The following MDC1 variants were observed in gnomAD, a reference collection of about 807,000 sequenced individuals.
MDC1 encodes mediator of DNA damage checkpoint protein 1.
MDC1 carries 81 observed loss-of-function variants against 142.5 expected under a neutral mutation model. The observed-to-expected ratio is 0.57, with a 90% CI of 0.47 to 0.68. The LOEUF is 0.68. MDC1 is among the 30% of genes least tolerant of loss of function. The probability of loss-of-function intolerance (pLI) is 0.00; values close to 1 mark genes in which losing one functional copy is unlikely to be tolerated. For synonymous variants in MDC1, 797 were observed against 968.4 expected (o/e 0.82, Z 3.29); for missense variants, 2,119 against 2,547.9 (o/e 0.83, Z 3.62).
rs375339540 is a variant in MDC1, at chr6:30,704,554, T to A, written c.4629A>T (p.Thr1543=). 86 of 1,607,884 alleles carry A rather than the reference T, an allele frequency of 5.3e-5. No homozygotes were observed. In the East Asian group the frequency reaches 6.1e-4, roughly 11 times the overall value. ...TGGGCTCAGGGGTGACAGGTTGGTC[T>A]GTGGAGGTGGAAGGCTGGAGCTCAG... ...AAPELQPSTS[T]DQPVTPEPTS... is the part of the protein sequence containing the mutation. The change falls in exon 10 of 15, where the codon ACA becomes ACT. Residue 1543 remains threonine, a synonymous_variant. Transcript: ENST00000376406.
At position 30,712,185 on chromosome 6, in the gene MDC1, G is replaced by A. The variant is rs1775013355; in HGVS notation, c.1757C>T (p.Ser586Phe). Residue 586 changes from serine to phenylalanine, a missense_variant, in exon 5 of 15, where the codon TCC (serine) becomes TTC (phenylalanine). Ser to Phe is a radical substitution (Grantham distance 155). Transcript: ENST00000376406. This position sits in a 1 kb window ranked among gnomAD's most constrained non-coding sequence, Gnocchi z 4.7. ...DCETDAEEGTSLTASVVADVR... is the reference protein window; with the variant it reads ...DCETDAEEGTFLTASVVADVR... ...ATCTGCAACTACTGAGGCTGTTAGG[G>A]AGGTGCCCTCCTCTGCATCTGTTTC... The A allele has an allele frequency of 2.5e-6, 4 of 1,612,820 alleles. No individual in the cohort carries two copies. The highest frequency in any genetic ancestry group is 1.7e-6 in the Non-Finnish European group (2 of 1,179,994).
intron 9 of MDC1, among the ~76,000 whole-genome samples, chr6:30,706,307 A>G (rs1773804375): frequency 6.6e-6 from 1 of 151,272 alleles, no homozygotes; most frequent in Non-Finnish European, 1.5e-5. Context: ...CAACATAGTG[A>G]AACCCCGTCT....
At position 30,703,861 on chromosome 6, in the gene MDC1, G is replaced by C; in HGVS notation, c.5322C>G (p.Ala1774=). 1 of 1,613,954 alleles carries C rather than the reference G, an allele frequency of 6.2e-7. No individual in the cohort carries two copies. The highest frequency in any genetic ancestry group is 1.7e-4 in the Middle Eastern group (1 of 6,058). The change falls in exon 10 of 15, where the codon GCC becomes GCG. Residue 1774 remains alanine (A), a synonymous_variant. Transcript: ENST00000376406. The surrounding 1 kb of genome is among the most constrained non-coding windows in gnomAD (Gnocchi z 4.4). ...TTGGTGTCTCAAGAAGCTGGGGAGAGGCAGGCTCAGGAATGGCTGTAAGGG... is the reference window on the plus strand; with the variant it reads ...TTGGTGTCTCAAGAAGCTGGGGAGACGCAGGCTCAGGAATGGCTGTAAGGG... ...AESLTAIPEP[A]SPQLLETPIH... is the part of the protein sequence containing the mutation.
In MDC1 at chr6:30,705,025, C is replaced by G; in HGVS notation, c.4158G>C (p.Glu1386Asp). Reference sequence around the variant, plus strand: ...TTCCCCTAGTAGCCCGAGATGTGGGCTCAGGGGTGACAGGCTGCTCTGTGG... The same window carrying G: ...TTCCCCTAGTAGCCCGAGATGTGGGGTCAGGGGTGACAGGCTGCTCTGTGG... ...STSTEQPVTP[E>D]PTSRATRGRK... Residue 1386 changes from glutamate to aspartate, a missense_variant, in exon 10 of 15, where the codon GAG becomes GAC. Physicochemically the swap from Glu to Asp is conservative, Grantham distance 45. Coordinates refer to ENST00000376406, the MANE Select transcript of MDC1 (RefSeq NM_014641.3). 6.2e-7 allele frequency: 1 copy of G among 1,610,816 alleles called. No individual in the cohort carries two copies. Among genetic ancestry groups the G allele is most frequent in the South Asian group, 1.1e-5 (1 of 90,846 alleles).
In MDC1 at chr6:30,707,828, T is replaced by C; in HGVS notation, c.2751A>G (p.Arg917=). Residue 917 remains arginine, a synonymous_variant, in exon 8 of 15, where the codon AGA becomes AGG. Transcript: ENST00000376406. ...TGTTTGCTACTGGTCTCTCTACTTC[T>C]CTCTCAAATGCTTTGCTTGGAAGGG... ...KQTLPSKAFE[R]EVERPVANRE... 1 of 1,613,106 alleles carries C rather than the reference T, an allele frequency of 6.2e-7. No homozygotes were observed. The highest frequency in any genetic ancestry group is 1.1e-5 in the South Asian group (1 of 91,086).
At position 30,707,991 on chromosome 6, in the gene MDC1, T is replaced by C. The variant is rs1167592753; in HGVS notation, c.2588A>G (p.Gln863Arg). 9.9e-6 allele frequency: 16 copies of C among 1,612,996 alleles called. No homozygotes were observed. The highest frequency in any genetic ancestry group is 1.3e-5 in the African/African-American group (1 of 74,938). The change falls in exon 8 of 15, where the codon CAG (glutamine) becomes CGG (arginine). Residue 863 changes from glutamine to arginine, a missense_variant. By Grantham distance (43) the Gln-to-Arg change is conservative (BLOSUM62 1). Transcript: ENST00000376406. ...TCTCTGGGTGTCTCTAGCTAACAAC[T>C]GTTTTTGTTCTCTGTCCTGTTTCCC... ...TKGKQDREQK[Q>R]LLARDTQRQE...
In MDC1 at chr6:30,711,735, G is replaced by C; in HGVS notation, c.2069-9C>G. On this transcript the variant is annotated splice_polypyrimidine_tract_variant and intron_variant, in intron 5 of 14. Transcript: ENST00000376406. ...GTCCAGATCTTCAGAATCTGGTCGGGGAGGAATATAAGACAGTTTAAAACA... is the reference window on the plus strand; with the variant it reads ...GTCCAGATCTTCAGAATCTGGTCGGCGAGGAATATAAGACAGTTTAAAACA... 6.2e-7 allele frequency: 1 copy of C among 1,611,804 alleles called. No individual in the cohort carries two copies. The highest frequency in any genetic ancestry group is 8.5e-7 in the Non-Finnish European group (1 of 1,179,526).
At position 30,713,610 on chromosome 6, in the gene MDC1, A is replaced by C. The variant is rs761905789; in HGVS notation, c.587+38T>G. On this transcript the variant is annotated intron_variant, in intron 4 of 14. Transcript: ENST00000376406. This position sits in a 1 kb window ranked among gnomAD's most constrained non-coding sequence, Gnocchi z 4.9. ...ATCCTCCAGCCCCTGGTTCTTCCTC[A>C]TTTTGAAGACTCAGGTGTCTGACTC... 6.3e-7 allele frequency: 1 copy of C among 1,588,214 alleles called. No individual in the cohort carries two copies. The highest frequency in any genetic ancestry group is 8.6e-7 in the Non-Finnish European group (1 of 1,160,556).
Position 30,701,065 on chromosome 6 carries a change from A to G in MDC1, c.6103-433T>C, listed in dbSNP as rs543396642. Among the ~76,000 whole-genome samples the G allele has an allele frequency of 5.1e-5, 7 of 137,122 alleles. No homozygotes were observed. The East Asian group carries it at 1.3e-3, about 26-fold the overall frequency. 90.0% of individuals were successfully genotyped at this position (137,122 alleles called of 152,430 possible). A position where few individuals can be genotyped will look rare whatever the true frequency, so the allele number is the denominator to read the frequency against. On this transcript the variant is annotated intron_variant, in intron 14 of 14. Coordinates refer to ENST00000376406, the MANE Select transcript of MDC1 (RefSeq NM_014641.3). ...ACTCCAGCCTGGGCTACAGAGCAAG[A>G]CTCCATCTCAAAAGAAAAAAAAAAA...
rs1009499152 is a variant in MDC1, at chr6:30,700,959, G to C, written c.6103-327C>G. Reference sequence around the variant, plus strand: ...GCGCTGACGGGTGCCTGTCGTCCCAGCTACTCGGGAGGCTGGGGCAGGAGA... The same window carrying C: ...GCGCTGACGGGTGCCTGTCGTCCCACCTACTCGGGAGGCTGGGGCAGGAGA... On this transcript the variant is annotated intron_variant, in intron 14 of 14. Transcript: ENST00000376406. 1.2e-4 allele frequency among the ~76,000 whole-genome samples: 18 copies of C among 150,118 alleles called. No individual in the cohort carries two copies. In the Admixed American group the frequency reaches 1.2e-3, roughly 10 times the overall value.
Position 30,713,474 on chromosome 6 carries a change from T to C in MDC1, c.588-120A>G. The C allele has an allele frequency of 1.5e-6, 2 of 1,326,240 alleles. No homozygotes were observed. The highest frequency in any genetic ancestry group is 2.0e-6 in the Non-Finnish European group (2 of 987,846). 82.2% of individuals were successfully genotyped at this position (1,326,240 alleles called of 1,614,324 possible). A position where few individuals can be genotyped will look rare whatever the true frequency, so the allele number is the denominator to read the frequency against. On this transcript the variant is annotated intron_variant, in intron 4 of 14. Transcript: ENST00000376406. The surrounding 1 kb of genome is among the most constrained non-coding windows in gnomAD (Gnocchi z 4.9). ...GCATATTTCTTCTTCTGTTTCCAAT[T>C]TGTTTTCCACTTGGCACATCAGATG... is the stretch of plus-strand genomic sequence containing the variant.
At chr6:30,702,123 C>T (rs996284583) in intron 14 of MDC1, among the ~76,000 whole-genome samples, 43 of 151,508 alleles carry the variant, frequency 2.8e-4, no homozygotes, top group African/African-American at 9.7e-4. Flanking sequence ...ATTAGCCGGG[C>T]GTGGTGGCGG....
In MDC1 at chr6:30,716,701, C is replaced by G. The variant is rs185707984; in HGVS notation, c.-4+544G>C. On this transcript the variant is annotated intron_variant, in intron 1 of 14. Transcript: ENST00000376406. The surrounding 1 kb of genome is among the most constrained non-coding windows in gnomAD (Gnocchi z 4.4). ...ACCTCCAGGACTGGATTAGGGGAAC[C>G]GTGTCTTTCCCCTAGGGTCCATCAT... Among the ~76,000 whole-genome samples, 11 of 152,278 alleles carry G rather than the reference C, an allele frequency of 7.2e-5. No individual in the cohort carries two copies. Among genetic ancestry groups the G allele is most frequent in the Admixed American group, 6.5e-4 (10 of 15,300 alleles).
In MDC1 at chr6:30,708,010, G is replaced by A; in HGVS notation, c.2569C>T (p.Gln857Ter). 1.2e-6 allele frequency: 2 copies of A among 1,612,966 alleles called. No homozygotes were observed. The highest frequency in any genetic ancestry group is 1.7e-6 in the Non-Finnish European group (2 of 1,180,008). Residue 857 changes from glutamine (Q) to a stop codon, truncating the protein, a stop_gained, in exon 8 of 15, where the codon CAG becomes TAG. Coordinates refer to ENST00000376406, the MANE Select transcript of MDC1 (RefSeq NM_014641.3). LOFTEE classifies it high-confidence loss of function. ...TGEEELTKGKQDREQKQLLAR... is the reference protein window; with the variant it reads ...TGEEELTKGK ...AACAACTGTTTTTGTTCTCTGTCCT[G>A]TTTCCCCTTGGTTAATTCTTCCTCT... is the stretch of plus-strand genomic sequence containing the variant.
In MDC1 at chr6:30,708,372, A is replaced by G; in HGVS notation, c.2222-15T>C. The G allele has an allele frequency of 6.3e-7, 1 of 1,597,742 alleles. No homozygotes were observed. Among genetic ancestry groups the G allele is most frequent in the Non-Finnish European group, 8.5e-7 (1 of 1,173,116 alleles). On this transcript the variant is annotated splice_polypyrimidine_tract_variant and intron_variant, in intron 7 of 14. Transcript: ENST00000376406. Reference sequence around the variant, plus strand: ...ATCTAGGGTACCTGGAAGGGGAGGAAGGAAGAGAGAGAGAGGGAGAGGGAG... The same window carrying G: ...ATCTAGGGTACCTGGAAGGGGAGGAGGGAAGAGAGAGAGAGGGAGAGGGAG...
rs1271670724 is a variant in MDC1, at chr6:30,702,849, G to A, written c.5894C>T (p.Pro1965Leu). 4.3e-6 allele frequency: 7 copies of A among 1,613,074 alleles called. No individual in the cohort carries two copies. Among genetic ancestry groups the A allele is most frequent in the Non-Finnish European group, 5.9e-6 (7 of 1,180,034 alleles). The change falls in exon 13 of 15, where the codon CCG becomes CTG. Residue 1965 changes from proline to leucine, a missense_variant. Transcript: ENST00000376406. ...QSRKAGFFLP[P>L]DEYVVTDPEQ... ...AGGGTCGGTCACCACATATTCATCC[G>A]GGGGTAAGAAGAAACCAGCCTTGCG...
At position 30,708,359 on chromosome 6, in the gene MDC1, T is replaced by C; in HGVS notation, c.2222-2A>G. The C allele has an allele frequency of 6.2e-7, 1 of 1,604,718 alleles. No individual in the cohort carries two copies. Among genetic ancestry groups the C allele is most frequent in the Non-Finnish European group, 8.5e-7 (1 of 1,177,280 alleles). On this transcript the variant is annotated splice_acceptor_variant, in intron 7 of 14. Transcript: ENST00000376406. LOFTEE classifies it high-confidence loss of function. ...CCTCCCATGGTTCATCTAGGGTACC[T>C]GGAAGGGGAGGAAGGAAGAGAGAGA...
rs1774413970 is a variant in MDC1 at position 30,709,013 on chromosome 6, C to G, written c.2222-656G>C. On this transcript the variant is annotated intron_variant, in intron 7 of 14. Transcript: ENST00000376406. This position sits in a 1 kb window ranked among gnomAD's most constrained non-coding sequence, Gnocchi z 4.2. ...GAAAGAAAGAAAGAAAGAAAAACAT[C>G]ATAGCCTAATAAGAGAGTTCCCTGA... Among the ~76,000 whole-genome samples, 1 of 150,112 alleles carries G rather than the reference C, an allele frequency of 6.7e-6. No homozygotes were observed. Among genetic ancestry groups the G allele is most frequent in the Non-Finnish European group, 1.5e-5 (1 of 67,866 alleles).
Position 30,712,594 on chromosome 6 carries a change from C to A in MDC1, c.1348G>T (p.Glu450Ter). 1 of 1,613,058 alleles carries A rather than the reference C, an allele frequency of 6.2e-7. No homozygotes were observed. Among genetic ancestry groups the A allele is most frequent in the South Asian group, 1.1e-5 (1 of 91,072 alleles). The change falls in exon 5 of 15, where the codon GAG (glutamate) becomes TAG (stop). Residue 450 changes from glutamate to a stop codon, truncating the protein, a stop_gained. Transcript: ENST00000376406. LOFTEE classifies it high-confidence loss of function. The surrounding 1 kb of genome is among the most constrained non-coding windows in gnomAD (Gnocchi z 4.7). Reference sequence around the variant, plus strand: ...TCCACGTCTGTGTCACTGTCTCTCTCAGTGGTGGTTTGGCTTCGCTGCAGA... The same window carrying A: ...TCCACGTCTGTGTCACTGTCTCTCTAAGTGGTGGTTTGGCTTCGCTGCAGA... Reference protein sequence around the residue: ...VLLQRSQTTTERDSDTDVEEE... With the variant: ...VLLQRSQTTT
Sources: gnomAD v4.1 joint callset for allele counts (sites outside exome capture counted in the v4.1 genomes callset) on GRCh38, gnomAD v4.1.1 for gene constraint, Gnocchi (gnomAD v3.1) non-coding constraint, MANE v1.5 for transcripts, NCBI Gene and HGNC (gene_info 2026-07-23, HGNC 2026-07-21) for gene names.